Variants in NPAS2 observed in about 807,000 individuals in gnomAD.
NPAS2 encodes neuronal PAS domain protein 2.
Under a neutral mutation model 107.5 loss-of-function variants are expected in NPAS2, and 23 were observed. That is an observed-to-expected ratio of 0.21 (90% CI 0.15 to 0.30). NPAS2 has a LOEUF of 0.30. Ranked by LOEUF, NPAS2 falls within the 10% of genes least tolerant of loss-of-function variation. NPAS2 has a pLI of 1.00. For synonymous variants in NPAS2, 403 were observed against 417.5 expected, an observed-to-expected ratio of 0.97 and a Z score of 0.42; for missense variants, 756 against 1,043.3, an observed-to-expected ratio of 0.72 and a Z score of 3.79.
At position 100,965,913 on chromosome 2, in the gene NPAS2, G is replaced by T; in HGVS notation, c.907+147G>T. 3.4e-6 allele frequency: 2 copies of T among 585,434 alleles called. No individual in the cohort carries two copies. Among genetic ancestry groups the T allele is most frequent in the East Asian group, 5.7e-5 (2 of 35,216 alleles). 36.3% of individuals were successfully genotyped at this position (585,434 alleles called of 1,614,324 possible). A position where few individuals can be genotyped will look rare whatever the true frequency, so the allele number is the denominator to read the frequency against. On this transcript the variant is annotated intron_variant, in intron 10 of 20. Transcript: ENST00000335681. The surrounding 1 kb of genome is among the most constrained non-coding windows in gnomAD (Gnocchi z 4.3). ...ACTTGGTTTTCTCTGAGATGATCTG[G>T]GGGCATGGTGGAGGCCCCTTATCCG...
At chr2:100,920,170 T>C (rs1372885554) in intron 2 of NPAS2, among the ~76,000 whole-genome samples, 2 of 151,820 alleles carry the variant, frequency 1.3e-5, no homozygotes, top group African/African-American at 4.8e-5. Flanking sequence ...AGTGGGGAGA[T>C]GTTAGTCAAA....
At chr2:100,936,931 G>A (rs1185645911) in intron 4 of NPAS2, among the ~76,000 whole-genome samples, 2 of 139,812 alleles carry the variant, frequency 1.4e-5, no homozygotes, top group African/African-American at 5.4e-5. Context: ...GCAGTGAGCC[G>A]AGATCATGCC....
At chr2:100,854,478 G>A (rs1678430147) in intron 1 of NPAS2, among the ~76,000 whole-genome samples, 1 of 152,186 alleles carries the variant, frequency 6.6e-6, no homozygotes, top group South Asian at 2.1e-4. Flanking sequence ...TATGACTCTA[G>A]ATCTCTATGA....
chr2:100,826,593 C>T (rs1041713992), intron 1 of NPAS2, among the ~76,000 whole-genome samples: 4 of 152,026 alleles, frequency 2.6e-5, no homozygotes, highest in Admixed American at 6.6e-5. Flanking sequence ...ACAAATAGGA[C>T]GTTATTTAAC....
At chr2:100,857,378 C>T (rs549510074) in intron 1 of NPAS2, among the ~76,000 whole-genome samples, 1 of 152,106 alleles carries the variant, frequency 6.6e-6, no homozygotes, top group South Asian at 2.1e-4. Flanking sequence ...TTTGCTGAGC[C>T]CTTCCATATA....
At chr2:100,886,333 G>T (rs7595380) in intron 1 of NPAS2, among the ~76,000 whole-genome samples, 2,838 of 152,300 alleles carry the variant, frequency 0.019, 95 homozygotes, top group African/African-American at 0.064. Context: ...GCAACCTTTT[G>T]GATCCCGAGG....
intron 1 of NPAS2, among the ~76,000 whole-genome samples, chr2:100,831,464 C>A (rs3849377): frequency 6.6e-6 from 1 of 151,894 alleles, no homozygotes; most frequent in African/African-American, 2.4e-5. Flanking sequence ...ACTTTAAACC[C>A]CAAGTTGTGG....
At chr2:100,862,454 T>C (rs1679001202) in intron 1 of NPAS2, among the ~76,000 whole-genome samples, 1 of 152,196 alleles carries the variant, frequency 6.6e-6, no homozygotes, top group South Asian at 2.1e-4. Context: ...TTTCATTGCC[T>C]CGTAGCTTAA....
At chr2:100,833,138 G>A (rs902311828) in intron 1 of NPAS2, among the ~76,000 whole-genome samples, 1 of 152,162 alleles carries the variant, frequency 6.6e-6, no homozygotes, top group Non-Finnish European at 1.5e-5. Flanking sequence ...AGTGGCCATC[G>A]TCTTATGGGC....
chr2:100,911,253 T>C (rs1260149680), intron 2 of NPAS2, among the ~76,000 whole-genome samples: 1 of 152,176 alleles, frequency 6.6e-6, no homozygotes, highest in Non-Finnish European at 1.5e-5. Flanking sequence ...CCATGGTCCT[T>C]CCCCTTTCTT....
chr2:100,935,093 A>C, intron 4 of NPAS2: 1 of 983,294 alleles, frequency 1.0e-6, no homozygotes, highest in Non-Finnish European at 1.2e-6. Flanking sequence ...GACCTGGCTG[A>C]AAAAACAAAA....
In NPAS2 at chr2:100,971,079, G is replaced by A. The variant is rs146484771; in HGVS notation, c.1140+5G>A. Reference sequence around the variant, plus strand: ...CTCCACTCCTCAGCACTAAAGGTACGCCCATCCCTGCCAGATGGATACGGC... The same window carrying A: ...CTCCACTCCTCAGCACTAAAGGTACACCCATCCCTGCCAGATGGATACGGC... On this transcript the variant is annotated splice_donor_5th_base_variant and intron_variant, in intron 12 of 20. Transcript: ENST00000335681. The A allele has an allele frequency of 8.3e-4, 1,342 of 1,613,480 alleles. 27 individuals carry two copies. The South Asian group carries it at 0.014, about 17-fold the overall frequency.
upstream of NPAS2, among the ~76,000 whole-genome samples, chr2:100,819,846 C>G (rs925145764): frequency 1.3e-5 from 2 of 152,136 alleles, no homozygotes; most frequent in African/African-American, 2.4e-5. This position sits in a 1 kb window ranked among gnomAD's most constrained non-coding sequence, Gnocchi z 5.8. Context: ...CCAGGCCCGA[C>G]CCCGCCGCGC....
chr2:100,915,466 T>C (rs1682826335), intron 2 of NPAS2, among the ~76,000 whole-genome samples: 1 of 152,116 alleles, frequency 6.6e-6, no homozygotes, highest in Non-Finnish European at 1.5e-5. Flanking sequence ...GTTTCTGAGC[T>C]CACCCCTGAG....
intron 1 of NPAS2, chr2:100,821,189 A>C (rs550191049): frequency 7.7e-7 from 1 of 1,304,010 alleles, no homozygotes; most frequent in Non-Finnish European, 1.0e-6. Context: ...GCCACTCCTT[A>C]ATTGCTCAAG....
intron 1 of NPAS2, among the ~76,000 whole-genome samples, chr2:100,890,085 G>T (rs933214485): frequency 2.0e-5 from 3 of 152,148 alleles, no homozygotes; most frequent in Non-Finnish European, 4.4e-5. Context: ...GCACCCTCCT[G>T]CTTCTGTGTG....
At chr2:100,925,342 T>C (rs1361429056) in intron 3 of NPAS2, 48 bp downstream of exon 3, 2 of 1,591,846 alleles carry the variant, frequency 1.3e-6, no homozygotes, top group Admixed American at 1.7e-5. Flanking sequence ...GCCCCGTCCA[T>C]GTGGTGATGA....
At chr2:100,910,614 T>C (rs549242009) in intron 2 of NPAS2, among the ~76,000 whole-genome samples, 2 of 151,808 alleles carry the variant, frequency 1.3e-5, no homozygotes, top group South Asian at 4.2e-4. Context: ...CTGCAACCTC[T>C]GCCTCCTGGG....
At chr2:100,921,149 G>T (rs1683200865) in intron 2 of NPAS2, among the ~76,000 whole-genome samples, 2 of 152,252 alleles carry the variant, frequency 1.3e-5, no homozygotes, top group African/African-American at 4.8e-5. Flanking sequence ...GGAGCTGTAG[G>T]AAGTGGCAGG....
Sources: gnomAD v4.1 joint callset for allele counts (sites outside exome capture counted in the v4.1 genomes callset) on GRCh38, gnomAD v4.1.1 for gene constraint, Gnocchi (gnomAD v3.1) non-coding constraint, MANE v1.5 for transcripts, NCBI Gene and HGNC (gene_info 2026-07-23, HGNC 2026-07-21) for gene names.